RORA: variants seen among roughly 807,000 people sequenced by gnomAD.
RORA encodes the protein RAR related orphan receptor A.
A neutral mutation model predicts 69.5 loss-of-function variants in RORA; 7 were observed. That is an observed-to-expected ratio of 0.10 (90% CI 0.06 to 0.19). RORA has a LOEUF of 0.19. RORA is among the 10% of genes least tolerant of loss of function. The pLI, the probability that RORA is intolerant of heterozygous loss-of-function variation, is 1.00. For missense variants in RORA, 457 were observed against 663.0 expected, an observed-to-expected ratio of 0.69 and a Z score of 3.41; for synonymous variants, 261 against 240.8, an observed-to-expected ratio of 1.08 and a Z score of -0.78.
At chr15:61,100,108 T>C (rs2078855448) in intron 1 of RORA, among the ~76,000 whole-genome samples, 2 of 142,962 alleles carry the variant, frequency 1.4e-5, no homozygotes, top group South Asian at 4.5e-4. Flanking sequence ...GAATGGTCAA[T>C]TTTCTTTTTT....
At chr15:60,881,998 T>G (rs748772731) in intron 1 of RORA, among the ~76,000 whole-genome samples, 1 of 152,224 alleles carries the variant, frequency 6.6e-6, no homozygotes, top group East Asian at 1.9e-4. Context: ...GACTTAAATA[T>G]GGCTCAGAGC....
At chr15:60,974,779 G>T (rs762695326) in intron 1 of RORA, among the ~76,000 whole-genome samples, 1 of 152,128 alleles carries the variant, frequency 6.6e-6, no homozygotes, top group African/African-American at 2.4e-5. Context: ...CCACCCCAGC[G>T]TGGGGCAAGG....
At chr15:60,714,590 C>T (rs1347505970) in intron 1 of RORA, among the ~76,000 whole-genome samples, 5 of 151,908 alleles carry the variant, frequency 3.3e-5, no homozygotes, top group Non-Finnish European at 7.4e-5. Context: ...GTCTCGAACT[C>T]CTGACCTCAG....
intron 1 of RORA, among the ~76,000 whole-genome samples, chr15:60,969,488 T>G (rs1288547320): frequency 1.3e-5 from 2 of 152,214 alleles, no homozygotes. Flanking sequence ...CCAAAGCACC[T>G]ATATTCAAAG....
At chr15:61,130,881 A>C (rs1478870247) in intron 1 of RORA, among the ~76,000 whole-genome samples, 1 of 152,244 alleles carries the variant, frequency 6.6e-6, no homozygotes, top group African/African-American at 2.4e-5. Context: ...GAAATAAAGA[A>C]GAGAAGGTGA....
chr15:60,797,003 C>T (rs1407144442), intron 1 of RORA, among the ~76,000 whole-genome samples: 1 of 147,684 alleles, frequency 6.8e-6, no homozygotes, highest in Non-Finnish European at 1.5e-5. Flanking sequence ...TTATTTATGT[C>T]TAAATATATT....
At chr15:60,593,692 G>A (rs184284429) in intron 2 of RORA, among the ~76,000 whole-genome samples, 94 of 152,276 alleles carry the variant, frequency 6.2e-4, no homozygotes, top group Admixed American at 4.4e-3. Flanking sequence ...CCAAGTTTGC[G>A]TACCTATTGC....
chr15:61,105,488 C>A (rs1431659556), intron 1 of RORA, among the ~76,000 whole-genome samples: 1 of 152,082 alleles, frequency 6.6e-6, no homozygotes, highest in Non-Finnish European at 1.5e-5. Flanking sequence ...GGAATCTCAC[C>A]CAATCATAGG....
chr15:60,923,583 T>C (rs1892114148), intron 1 of RORA, among the ~76,000 whole-genome samples: 1 of 152,196 alleles, frequency 6.6e-6, no homozygotes, highest in Non-Finnish European at 1.5e-5. Context: ...TCCCAAGTCT[T>C]TTTAAAAAAG....
chr15:61,010,260 G>C (rs1298415067), intron 1 of RORA, among the ~76,000 whole-genome samples: 1 of 152,102 alleles, frequency 6.6e-6, no homozygotes, highest in Non-Finnish European at 1.5e-5. Flanking sequence ...ATTTTTCAGG[G>C]CCCCCTGGGA....
intron 1 of RORA, among the ~76,000 whole-genome samples, chr15:60,911,937 T>A (rs368571871): frequency 3.3e-5 from 5 of 150,590 alleles, no homozygotes; most frequent in African/African-American, 1.2e-4. Context: ...CTCGAACTCC[T>A]GACCTCAAGT....
intron 2 of RORA, among the ~76,000 whole-genome samples, chr15:60,545,556 TATC>T (rs1328800796): frequency 6.6e-6 from 1 of 152,302 alleles, no homozygotes; most frequent in East Asian, 1.9e-4. Context: ...ATCAGAGAAA[TATC>T]AATCCATTTT....
chr15:60,958,937 C>T (rs1893343410), intron 1 of RORA, among the ~76,000 whole-genome samples: 1 of 152,208 alleles, frequency 6.6e-6, no homozygotes, highest in Non-Finnish European at 1.5e-5. Flanking sequence ...CCCATACTCT[C>T]TGCACCAGAA....
chr15:61,114,867 C>T (rs17237696), intron 1 of RORA, among the ~76,000 whole-genome samples: 10,673 of 152,224 alleles, frequency 0.07, 653 homozygotes, highest in East Asian at 0.25. Context: ...TTGGCCCAGA[C>T]GGTATAAGAG....
At chr15:61,016,442 AG>A (rs1895291952) in intron 1 of RORA, among the ~76,000 whole-genome samples, 1 of 152,202 alleles carries the variant, frequency 6.6e-6, no homozygotes. Flanking sequence ...ATGGTTCCAA[AG>A]GTTTGGGAAA....
intron 2 of RORA, among the ~76,000 whole-genome samples, chr15:60,638,671 T>G (rs2069884005): frequency 6.6e-6 from 1 of 152,190 alleles, no homozygotes; most frequent in Admixed American, 6.5e-5. Flanking sequence ...GATGAAGTTA[T>G]GAAAAAACTA....
intron 1 of RORA, among the ~76,000 whole-genome samples, chr15:61,065,674 T>C (rs2078247790): frequency 6.6e-6 from 1 of 152,200 alleles, no homozygotes; most frequent in African/African-American, 2.4e-5. Flanking sequence ...TGCCGTTTGA[T>C]CTTGGTTGCT....
Position 60,531,967 on chromosome 15 carries a change from A to C in RORA, c.197-116T>G. ...AATAACCTGCTAAACATTATACTGC[A>C]TTAACTATTCATTGCTGAACTGTGA... On this transcript the variant is annotated intron_variant, in intron 2 of 10. Transcript: ENST00000335670. This position sits in a 1 kb window ranked among gnomAD's most constrained non-coding sequence, Gnocchi z 4.8. 1 of 600,790 alleles carries C rather than the reference A, an allele frequency of 1.7e-6. No individual in the cohort carries two copies. Among genetic ancestry groups the C allele is most frequent in the Non-Finnish European group, 2.9e-6 (1 of 347,156 alleles). The allele number at this position is 600,790 out of a possible 1,614,324, so 37.2% of individuals were successfully genotyped here.
chr15:60,786,948 CT>C (rs2072343202), intron 1 of RORA, among the ~76,000 whole-genome samples: 1 of 152,204 alleles, frequency 6.6e-6, no homozygotes, highest in African/African-American at 2.4e-5. Flanking sequence ...CATGGCTTTT[CT>C]CAGGGTCAGT....
Sources: gnomAD v4.1 joint callset for allele counts (sites outside exome capture counted in the v4.1 genomes callset) on GRCh38, gnomAD v4.1.1 for gene constraint, Gnocchi (gnomAD v3.1) non-coding constraint, MANE v1.5 for transcripts, NCBI Gene and HGNC (gene_info 2026-07-23, HGNC 2026-07-21) for gene names.